FYN: variants seen among roughly 807,000 people sequenced by gnomAD.
FYN encodes the protein FYN proto-oncogene, Src family tyrosine kinase.
Under a neutral mutation model 70.2 loss-of-function variants are expected in FYN, and 10 were observed. The ratio of observed to expected loss-of-function variants is 0.14; its 90% CI spans 0.09 to 0.24. The LOEUF (loss-of-function observed/expected upper bound fraction) is 0.24. Ranked by LOEUF, FYN falls within the 10% of genes least tolerant of loss-of-function variation. The pLI is 1.00. For synonymous variants in FYN, 236 were observed against 248.6 expected, an observed-to-expected ratio of 0.95 and a Z score of 0.48; for missense variants, 319 against 673.1, an observed-to-expected ratio of 0.47 and a Z score of 5.82.
chr6:111,768,366 G>A (rs765146759), intron 3 of FYN, among the ~76,000 whole-genome samples: 39 of 152,262 alleles, frequency 2.6e-4, no homozygotes, highest in Non-Finnish European at 4.7e-4. Flanking sequence ...ACTCCAGAAC[G>A]TTTGACAGTC....
intron 2 of FYN, among the ~76,000 whole-genome samples, chr6:111,843,764 T>C (rs1773434542): frequency 6.6e-6 from 1 of 152,210 alleles, no homozygotes; most frequent in African/African-American, 2.4e-5. Flanking sequence ...GATTCTGAGC[T>C]GATAAAGCCT....
intron 2 of FYN, among the ~76,000 whole-genome samples, chr6:111,796,867 T>G (rs1174535376): frequency 6.6e-6 from 1 of 152,218 alleles, no homozygotes; most frequent in Non-Finnish European, 1.5e-5. Flanking sequence ...TCAGGATTAC[T>G]AAACAGAAAT....
intron 2 of FYN, among the ~76,000 whole-genome samples, chr6:111,845,231 C>T (rs1773491453): frequency 6.6e-6 from 1 of 152,272 alleles, no homozygotes; most frequent in South Asian, 2.1e-4. Context: ...CCTGAGGGGG[C>T]TCCTGGCACC....
At chr6:111,727,222 G>A (rs904827601) in intron 3 of FYN, among the ~76,000 whole-genome samples, 2 of 152,074 alleles carry the variant, frequency 1.3e-5, no homozygotes, top group Admixed American at 6.5e-5. Flanking sequence ...ATCTTCCTTC[G>A]TGCGGTTTGG....
At chr6:111,773,735 T>A (rs573980595) in intron 3 of FYN, among the ~76,000 whole-genome samples, 1 of 150,930 alleles carries the variant, frequency 6.6e-6, no homozygotes, top group South Asian at 2.1e-4. Flanking sequence ...ACTCCTTCTC[T>A]CCCTCTTTTA....
intron 2 of FYN, among the ~76,000 whole-genome samples, chr6:111,823,847 C>A (rs1419328021): frequency 1.3e-5 from 2 of 152,312 alleles, no homozygotes; most frequent in East Asian, 3.9e-4. Flanking sequence ...TAAACACTCA[C>A]ATTGACTTTC....
At chr6:111,827,853 C>T (rs537683963) in intron 2 of FYN, among the ~76,000 whole-genome samples, 15 of 152,186 alleles carry the variant, frequency 9.9e-5, no homozygotes, top group East Asian at 1.9e-4. Flanking sequence ...ATGGGGGAAA[C>T]GGTGGATTCT....
chr6:111,797,669 TATATATA>T (rs1771850773), intron 2 of FYN, among the ~76,000 whole-genome samples: 1 of 13,078 alleles, frequency 7.6e-5, no homozygotes, highest in East Asian at 0.012. Flanking sequence ...AAGTTTCATA[TATATATA>T]TATATATATA....
In FYN at chr6:111,703,988, C is replaced by T. The variant is rs191726748; in HGVS notation, c.547+11G>A. ...GAATGACAAGCCAACTTCTTCAACT[C>T]GTTATCTTACCTTTGGTGGTTTCAC... is the stretch of plus-strand genomic sequence containing the variant. On this transcript the variant is annotated intron_variant, in intron 7 of 13. Coordinates refer to ENST00000354650, the MANE Select transcript of FYN (RefSeq NM_002037.5). 520 of 1,603,844 alleles carry T rather than the reference C, an allele frequency of 3.2e-4. 1 individual carries two copies. The African/African-American group carries it at 5.3e-3, about 16-fold the overall frequency.
intron 3 of FYN, among the ~76,000 whole-genome samples, chr6:111,770,178 AC>A (rs1431124231): frequency 2.6e-5 from 4 of 152,214 alleles, no homozygotes; most frequent in African/African-American, 9.7e-5. Context: ...AATGTAAACT[AC>A]ATATGAAGTT....
At chr6:111,843,999 T>A (rs12661059) in intron 2 of FYN, among the ~76,000 whole-genome samples, 1 of 152,136 alleles carries the variant, frequency 6.6e-6, no homozygotes, top group East Asian at 1.9e-4. Flanking sequence ...TCAAATATTA[T>A]ATAAACTCCA....
chr6:111,718,850 T>C (rs796821604), intron 4 of FYN, among the ~76,000 whole-genome samples: 13 of 152,126 alleles, frequency 8.5e-5, no homozygotes, highest in Admixed American at 5.9e-4. Context: ...AGAAGAGAAG[T>C]AGATAATGTC....
intron 3 of FYN, among the ~76,000 whole-genome samples, chr6:111,778,784 G>A (rs866691507): frequency 2.0e-5 from 3 of 151,960 alleles, no homozygotes; most frequent in African/African-American, 7.2e-5. Flanking sequence ...GTGAGTCACC[G>A]CACCCAGCCT....
At chr6:111,749,924 T>C (rs925106647) in intron 3 of FYN, among the ~76,000 whole-genome samples, 1 of 151,932 alleles carries the variant, frequency 6.6e-6, no homozygotes, top group Admixed American at 6.5e-5. Context: ...GAAGACTGCA[T>C]GATTTCTCCT....
At chr6:111,790,126 A>G (rs577620429) in intron 2 of FYN, among the ~76,000 whole-genome samples, 3 of 152,016 alleles carry the variant, frequency 2.0e-5, no homozygotes, top group South Asian at 4.2e-4. Flanking sequence ...CCAAATGTGT[A>G]ACAATTATGC....
intron 3 of FYN, among the ~76,000 whole-genome samples, chr6:111,771,216 T>C (rs1803439188): frequency 6.6e-6 from 1 of 152,144 alleles, no homozygotes; most frequent in Non-Finnish European, 1.5e-5. Flanking sequence ...GGGACTGAGC[T>C]GACAGAGTTC....
At chr6:111,670,398 T>A (rs1562461377) in intron 13 of FYN, among the ~76,000 whole-genome samples, 1 of 152,196 alleles carries the variant, frequency 6.6e-6, no homozygotes, top group Non-Finnish European at 1.5e-5. Context: ...TCTCTCCCCT[T>A]CCCTGTTTTA....
In FYN at chr6:111,837,343, T is replaced by G. The variant is rs144344861; in HGVS notation, c.-82+9246A>C. Among the ~76,000 whole-genome samples the G allele has an allele frequency of 5.2e-3, 794 of 152,282 alleles. 7 individuals are homozygous for G. Among genetic ancestry groups the G allele is most frequent in the African/African-American group, 0.018 (760 of 41,544 alleles). ...AGGTACTTCAGTTTTGCTTTTTTTT[T>G]AAATTACATTTCCCCTACTCCTACT... On this transcript the variant is annotated intron_variant, in intron 2 of 13. Coordinates refer to ENST00000354650, the MANE Select transcript of FYN (RefSeq NM_002037.5).
intron 3 of FYN, among the ~76,000 whole-genome samples, chr6:111,736,424 T>A (rs1487027545): frequency 6.6e-6 from 1 of 151,586 alleles, no homozygotes; most frequent in African/African-American, 2.4e-5. Flanking sequence ...CCAGCAAGAG[T>A]CATCAATCGG....
Sources: gnomAD v4.1 joint callset for allele counts (sites outside exome capture counted in the v4.1 genomes callset) on GRCh38, gnomAD v4.1.1 for gene constraint, MANE v1.5 for transcripts, NCBI Gene and HGNC (gene_info 2026-07-23, HGNC 2026-07-21) for gene names.